Variants in DEFA5 observed in about 807,000 individuals in gnomAD.
The protein encoded by DEFA5 is defensin alpha 5.
Under a neutral mutation model 8.7 loss-of-function variants are expected in DEFA5, and 11 were observed. The ratio of observed to expected loss-of-function variants is 1.26; its 90% confidence interval spans 0.80 to 2.09. DEFA5 has a LOEUF of 2.09. Ranked by LOEUF, DEFA5 falls within the 30% of genes most tolerant of loss-of-function variation. The pLI is 0.00. For synonymous variants in DEFA5, 52 were observed against 43.9 expected (o/e 1.18, Z -0.73); for missense variants, 181 against 117.2 (o/e 1.54, Z -2.52).
At chr8:7,056,454 AC>A (rs1168215077) in intron 1 of DEFA5, 71 bp downstream of exon 1, 12 of 1,473,418 alleles carry the variant, frequency 8.1e-6, no homozygotes, top group Middle Eastern at 3.6e-4. Context: ...ACCTTTCCAC[AC>A]TTGACTCCAG....
intron 1 of DEFA5, among the ~76,000 whole-genome samples, chr8:7,056,151 C>G (rs1188287472): frequency 6.6e-6 from 1 of 151,310 alleles, no homozygotes; most frequent in African/African-American, 2.4e-5. Flanking sequence ...TTAATCAAGC[C>G]TATTAGCCTA....
chr8:7,056,503 T>C, intron 1 of DEFA5, 23 bp downstream of exon 1: 1 of 1,578,132 alleles, frequency 6.3e-7, no homozygotes, highest in Non-Finnish European at 8.7e-7. Context: ...ATTTTGCAGA[T>C]GTGCAAGATT....
Position 7,055,394 on chromosome 8 carries a change from C to A in DEFA5, c.*37G>T. On this transcript the variant is annotated 3_prime_UTR_variant, in exon 2 of 2. Coordinates refer to ENST00000330590, the MANE Select transcript of DEFA5 (RefSeq NM_021010.3). ...GTTTTTCTTTTTTCAGGACCTTGAACTGAATCTTGCACTGCTTTGGTTTCT... is the reference window on the plus strand; with the variant it reads ...GTTTTTCTTTTTTCAGGACCTTGAAATGAATCTTGCACTGCTTTGGTTTCT... 2.0e-6 allele frequency: 3 copies of A among 1,529,808 alleles called. No homozygotes were observed. The highest frequency in any genetic ancestry group is 1.1e-5 in the South Asian group (1 of 88,200). 94.8% of individuals were successfully genotyped at this position (1,529,808 alleles called of 1,614,324 possible).
rs771161687 is a variant in DEFA5 at position 7,055,475 on chromosome 8, C to A, written c.241G>T (p.Val81Leu). The change falls in exon 2 of 2, where the codon GTG (valine) becomes TTG (leucine). Residue 81 changes from valine (V) to leucine (L), a missense_variant. Val to Leu is a conservative substitution (Grantham distance 32). Transcript: ENST00000330590. ...RCATRESLSG[V>L]CEISGRLYRL... ...TAGAGGCGGCCACTGATTTCACACA[C>A]CCCGGAGAGGGACTCACGGGTAGCA... is the stretch of plus-strand genomic sequence containing the variant. The A allele has an allele frequency of 6.2e-7, 1 of 1,613,804 alleles. No individual in the cohort carries two copies. The highest frequency in any genetic ancestry group is 1.7e-5 in the Admixed American group (1 of 59,986).
Position 7,055,599 on chromosome 8 carries a change from ACAGC to A in DEFA5, c.173-60_173-57del, listed in dbSNP as rs1353554741. On this transcript the variant is annotated intron_variant, in intron 1 of 1. Transcript: ENST00000330590. ...GAGGGAGGTGGGAAAAAGGACAAGC[ACAGC>A]CAGACTAACTGAGATAGTCTAAATA... 3 of 1,156,804 alleles carry A rather than the reference ACAGC, an allele frequency of 2.6e-6. No individual in the cohort carries two copies. In the African/African-American group the frequency reaches 4.5e-5, roughly 17 times the overall value. 71.7% of individuals were successfully genotyped at this position (1,156,804 alleles called of 1,614,324 possible). A position where few individuals can be genotyped will look rare whatever the true frequency, so the allele number is the denominator to read the frequency against.
At chr8:7,055,705 A>G (rs910577693) in intron 1 of DEFA5, among the ~76,000 whole-genome samples, 162 bp from the exon 2 acceptor site, 17 of 152,206 alleles carry the variant, frequency 1.1e-4, no homozygotes, top group African/African-American at 3.9e-4. Flanking sequence ...CTTACTAGCT[A>G]TGTGTTAGTC....
intron 1 of DEFA5, among the ~76,000 whole-genome samples, 161 bp downstream of exon 1, chr8:7,056,365 A>G (rs1217289756): frequency 6.6e-6 from 1 of 152,254 alleles, no homozygotes; most frequent in African/African-American, 2.4e-5. Flanking sequence ...TTTTAGATTT[A>G]TTTGGTTCTC....
In DEFA5 at chr8:7,055,333, G is replaced by C. The variant is rs115418153; in HGVS notation, c.*98C>G. 499 of 873,528 alleles carry C rather than the reference G, an allele frequency of 5.7e-4. 1 individual carries two copies. In the African/African-American group the frequency reaches 7.1e-3, roughly 12 times the overall value. 54.1% of individuals were successfully genotyped at this position (873,528 alleles called of 1,614,324 possible). On this transcript the variant is annotated 3_prime_UTR_variant, in exon 2 of 2. Transcript: ENST00000330590. ...ATGCTTGAACTTTATTTTGGAGAGAGAAATTTAGAAAGACACAAGGTACAC... is the reference window on the plus strand; with the variant it reads ...ATGCTTGAACTTTATTTTGGAGAGACAAATTTAGAAAGACACAAGGTACAC...
At chr8:7,055,919 C>T (rs760991822) in intron 1 of DEFA5, among the ~76,000 whole-genome samples, 19 of 151,810 alleles carry the variant, frequency 1.3e-4, no homozygotes, top group Non-Finnish European at 5.9e-5. Flanking sequence ...TCTGAAATGC[C>T]GCATTGTGCA....
rs1585106293 is a variant in DEFA5, at chr8:7,056,454, A to C, written c.172+72T>G. On this transcript the variant is annotated intron_variant, in intron 1 of 1. Transcript: ENST00000330590. ...ACTCAAGTGAGGTAGACCTTTCCAC[A>C]CTTGACTCCAGATCCTTTCTCCAAT... The C allele has an allele frequency of 4.8e-6, 7 of 1,473,536 alleles. No homozygotes were observed. The East Asian group carries it at 1.6e-4, about 34-fold the overall frequency. The allele number at this position is 1,473,536 out of a possible 1,614,324, so 91.3% of individuals were successfully genotyped here. A position where few individuals can be genotyped will look rare whatever the true frequency, so the allele number is the denominator to read the frequency against.
At position 7,056,526 on chromosome 8, in the gene DEFA5, C is replaced by A; in HGVS notation, c.172G>T (p.Gly58Cys). Residue 58 changes from glycine to cysteine, a missense_variant and splice_region_variant, in exon 1 of 2, where the codon GGT (glycine) becomes TGT (cysteine). By Grantham distance (159) the Gly-to-Cys change is radical (BLOSUM62 -3). Coordinates refer to ENST00000330590, the MANE Select transcript of DEFA5 (RefSeq NM_021010.3). ...GNGLSALRTS[G>C]SQARATCYCR... ...GATGTGCAAGATTGATGTCTCCTACCTGAGGTTCTAAGAGCAGAGAGTCCA... is the reference window on the plus strand; with the variant it reads ...GATGTGCAAGATTGATGTCTCCTACATGAGGTTCTAAGAGCAGAGAGTCCA... 1 of 1,606,828 alleles carries A rather than the reference C, an allele frequency of 6.2e-7. No homozygotes were observed. The highest frequency in any genetic ancestry group is 1.1e-5 in the South Asian group (1 of 90,516).
rs771976489 is a variant in DEFA5 at position 7,056,531 on chromosome 8, G to T, written c.167C>A (p.Thr56Asn). 3.1e-6 allele frequency: 5 copies of T among 1,608,406 alleles called. No individual in the cohort carries two copies. The highest frequency in any genetic ancestry group is 1.1e-5 in the South Asian group (1 of 90,636). ...GCAAGATTGATGTCTCCTACCTGAGGTTCTAAGAGCAGAGAGTCCATTTCC... is the reference window on the plus strand; with the variant it reads ...GCAAGATTGATGTCTCCTACCTGAGTTTCTAAGAGCAGAGAGTCCATTTCC... Reference protein sequence around the residue: ...FAGNGLSALRTSGSQARATCY... With the variant: ...FAGNGLSALRNSGSQARATCY... Residue 56 changes from threonine to asparagine, a missense_variant, in exon 1 of 2, where the codon ACC becomes AAC. Thr to Asn is a moderately conservative substitution (Grantham distance 65). Coordinates refer to ENST00000330590, the MANE Select transcript of DEFA5 (RefSeq NM_021010.3).
At chr8:7,055,576 G>C in intron 1 of DEFA5, 33 bp from the exon 2 acceptor site, 1 of 1,483,290 alleles carries the variant, frequency 6.7e-7, no homozygotes, top group East Asian at 2.3e-5. Context: ...GGCACAGCGA[G>C]GGAGGTGGGA....
intron 1 of DEFA5, among the ~76,000 whole-genome samples, chr8:7,056,151 C>T (rs1188287472): frequency 1.3e-5 from 2 of 151,310 alleles, no homozygotes; most frequent in African/African-American, 2.4e-5. Context: ...TTAATCAAGC[C>T]TATTAGCCTA....
At chr8:7,055,838 C>A (rs746539623) in intron 1 of DEFA5, among the ~76,000 whole-genome samples, 2 of 152,120 alleles carry the variant, frequency 1.3e-5, no homozygotes, top group Non-Finnish European at 2.9e-5. Flanking sequence ...GCTTCATCCA[C>A]ACGCCTAATC....
chr8:7,055,555 A>G lies in DEFA5; in HGVS notation c.173-12T>C. 1 of 1,590,662 alleles carries G rather than the reference A, an allele frequency of 6.3e-7. No homozygotes were observed. Among genetic ancestry groups the G allele is most frequent in the Non-Finnish European group, 8.6e-7 (1 of 1,161,532 alleles). ...TCTTGCCTGAGAACCTGTGGAAAGAAGAGAGGGTCAGGCACAGCGAGGGAG... is the reference window on the plus strand; with the variant it reads ...TCTTGCCTGAGAACCTGTGGAAAGAGGAGAGGGTCAGGCACAGCGAGGGAG... On this transcript the variant is annotated splice_polypyrimidine_tract_variant and intron_variant, in intron 1 of 1. Transcript: ENST00000330590.
At position 7,056,489 on chromosome 8, in the gene DEFA5, C is replaced by T. The variant is rs1235398342; in HGVS notation, c.172+37G>A. The T allele has an allele frequency of 1.8e-5, 28 of 1,557,554 alleles. No individual in the cohort carries two copies. In the Admixed American group the frequency reaches 2.6e-4, roughly 14 times the overall value. On this transcript the variant is annotated intron_variant, in intron 1 of 1. Transcript: ENST00000330590. ...AGATCCTTTCTCCAATCCTTTTTTT[C>T]TAGATTTTGCAGATGTGCAAGATTG...
intron 1 of DEFA5, among the ~76,000 whole-genome samples, chr8:7,056,106 T>C (rs1300028015): frequency 6.6e-6 from 1 of 151,266 alleles, no homozygotes; most frequent in Non-Finnish European, 1.5e-5. Flanking sequence ...AGACACAATA[T>C]GATGTTTTGA....
In DEFA5 at chr8:7,056,702, G is replaced by C; in HGVS notation, c.-5C>G. The C allele has an allele frequency of 6.2e-7, 1 of 1,607,102 alleles. No homozygotes were observed. The highest frequency in any genetic ancestry group is 8.5e-7 in the Non-Finnish European group (1 of 1,175,306). ...AAGGATGGCGATGGTCCTCATGGCT[G>C]GGGTCACCTGCAGGAGGGAGAGCAG... is the stretch of plus-strand genomic sequence containing the variant. On this transcript the variant is annotated 5_prime_UTR_variant, in exon 1 of 2. Transcript: ENST00000330590.
Sources: gnomAD v4.1 joint callset for allele counts (sites outside exome capture counted in the v4.1 genomes callset) on GRCh38, gnomAD v4.1.1 for gene constraint, MANE v1.5 for transcripts, NCBI Gene and HGNC (gene_info 2026-07-23, HGNC 2026-07-21) for gene names.